Variants in RAB6A observed in about 807,000 individuals in gnomAD.
The protein encoded by RAB6A is RAB6A, member RAS oncogene family.
In RAB6A, 8 loss-of-function variants were observed where a neutral mutation model predicts 32.3. The observed-to-expected ratio is 0.25, with a 90% CI of 0.15 to 0.45. RAB6A has a LOEUF of 0.45. RAB6A is among the 20% of genes least tolerant of loss of function. The pLI is 1.00. For synonymous variants in RAB6A, 73 were observed against 82.1 expected (o/e 0.89, Z 0.60); for missense variants, 104 against 249.4 (o/e 0.42, Z 3.93).
chr11:73,730,491 T>C (rs1946286620), intron 2 of RAB6A: 1 of 301,896 alleles, frequency 3.3e-6, no homozygotes, highest in Non-Finnish European at 6.0e-6. Flanking sequence ...TTGGACAAAA[T>C]CTATAGAGAA....
chr11:73,741,462 C>A (rs1184840649), intron 1 of RAB6A, among the ~76,000 whole-genome samples: 1 of 151,848 alleles, frequency 6.6e-6, no homozygotes, highest in Non-Finnish European at 1.5e-5. Context: ...ACCATATGAT[C>A]CAGCGACCAT....
chr11:73,749,639 A>G (rs1365723916), intron 1 of RAB6A, among the ~76,000 whole-genome samples: 1 of 152,214 alleles, frequency 6.6e-6, no homozygotes, highest in Non-Finnish European at 1.5e-5. Context: ...AGGCCAGAGC[A>G]TTGCTCAAGG....
chr11:73,695,075 A>G (rs1354307353), intron 6 of RAB6A, among the ~76,000 whole-genome samples: 3 of 152,094 alleles, frequency 2.0e-5, no homozygotes, highest in Non-Finnish European at 4.4e-5. Flanking sequence ...TATAGTTTTA[A>G]TCTATATATT....
chr11:73,739,278 A>ATATATATATAT (rs1448381477), intron 1 of RAB6A, among the ~76,000 whole-genome samples: 1 of 18,834 alleles, frequency 5.3e-5, no homozygotes, highest in African/African-American at 1.1e-4. Flanking sequence ...AAAAAAAAAA[A>ATATATATATAT]AAAAAAATAT....
intron 1 of RAB6A, among the ~76,000 whole-genome samples, chr11:73,732,455 G>C (rs1268459526): frequency 6.6e-6 from 1 of 152,200 alleles, no homozygotes; most frequent in East Asian, 1.9e-4. Flanking sequence ...GCGTGGTGGC[G>C]GGCACCTGTA....
intron 1 of RAB6A, among the ~76,000 whole-genome samples, chr11:73,756,488 C>T (rs1305296861): frequency 3.3e-5 from 5 of 152,110 alleles, no homozygotes; most frequent in African/African-American, 1.2e-4. Flanking sequence ...CAGTAGTAGG[C>T]TGAGTATGCG....
chr11:73,735,381 C>T (rs1458376358), intron 1 of RAB6A, among the ~76,000 whole-genome samples: 4 of 152,042 alleles, frequency 2.6e-5, no homozygotes, highest in African/African-American at 7.3e-5. Context: ...ATACTAAATG[C>T]CAGGGACTGA....
chr11:73,682,410 T>C (rs1298772166), intron 6 of RAB6A, among the ~76,000 whole-genome samples: 2 of 152,198 alleles, frequency 1.3e-5, no homozygotes, highest in Non-Finnish European at 2.9e-5. Context: ...ACGCCTGTAA[T>C]CCCAGTACTT....
At chr11:73,689,721 T>C (rs1945515276) in intron 6 of RAB6A, among the ~76,000 whole-genome samples, 1 of 152,134 alleles carries the variant, frequency 6.6e-6, no homozygotes, top group African/African-American at 2.4e-5. Context: ...CCAATGTCTA[T>C]GTCATATGTA....
intron 5 of RAB6A, among the ~76,000 whole-genome samples, chr11:73,709,420 G>A (rs1945903703): frequency 6.9e-6 from 1 of 144,310 alleles, no homozygotes; most frequent in South Asian, 2.2e-4. Context: ...GGGGACCAAT[G>A]AGTTTTCTCC....
chr11:73,700,160 C>T (rs1945718196), intron 6 of RAB6A, among the ~76,000 whole-genome samples: 1 of 152,156 alleles, frequency 6.6e-6, no homozygotes, highest in Admixed American at 6.6e-5. Context: ...GGTGACACCA[C>T]ACACTTATTG....
At chr11:73,684,722 G>A (rs1171863242) in intron 6 of RAB6A, among the ~76,000 whole-genome samples, 5 of 152,078 alleles carry the variant, frequency 3.3e-5, no homozygotes, top group Non-Finnish European at 1.5e-5. Flanking sequence ...CAGTAGAGAT[G>A]AGGACAAAGG....
In RAB6A at chr11:73,742,749, G is replaced by T. The variant is rs184177469; in HGVS notation, c.71-11926C>A. On this transcript the variant is annotated intron_variant, in intron 1 of 7. Transcript: ENST00000336083. ...CGCTTGAACTCGGGAGATGGAGGTTGCAGTGAATCGAGATTGCCCCATTGA... is the reference window on the plus strand; with the variant it reads ...CGCTTGAACTCGGGAGATGGAGGTTTCAGTGAATCGAGATTGCCCCATTGA... 3.8e-3 allele frequency among the ~76,000 whole-genome samples: 581 copies of T among 152,202 alleles called. 4 individuals carry two copies. The highest frequency in any genetic ancestry group is 6.5e-3 in the Non-Finnish European group (439 of 68,010).
In RAB6A at chr11:73,676,548, AAACT is replaced by A. The variant is rs1196829408; in HGVS notation, c.*1346_*1349del. 6.0e-6 allele frequency: 1 copy of A among 167,064 alleles called. No homozygotes were observed. The highest frequency in any genetic ancestry group is 1.5e-5 in the Non-Finnish European group (1 of 68,120). 10.3% of individuals were successfully genotyped at this position (167,064 alleles called of 1,614,324 possible). A position where few individuals can be genotyped will look rare whatever the true frequency, so the allele number is the denominator to read the frequency against. On this transcript the variant is annotated 3_prime_UTR_variant, in exon 8 of 8. Transcript: ENST00000336083. ...AAAGATTAATTGTAGCTTAAATATA[AAACT>A]AAATCACCAGTTAATTAAACTATAC...
Position 73,758,959 on chromosome 11 carries a change from T to C in RAB6A, c.70+1607A>G, listed in dbSNP as rs573476970. On this transcript the variant is annotated intron_variant, in intron 1 of 7. Coordinates refer to ENST00000336083, the MANE Select transcript of RAB6A (RefSeq NM_198896.2). ...ATATATAAGCAAAAAGGAGGGAGATTGTATTTTTCCCCCCAAAAGGGAGGA... is the reference window on the plus strand; with the variant it reads ...ATATATAAGCAAAAAGGAGGGAGATCGTATTTTTCCCCCCAAAAGGGAGGA... Among the ~76,000 whole-genome samples the C allele has an allele frequency of 2.6e-5, 4 of 152,234 alleles. No homozygotes were observed. The South Asian group carries it at 8.3e-4, about 32-fold the overall frequency.
At chr11:73,760,219 A>T in intron 1 of RAB6A, 1 of 818,418 alleles carries the variant, frequency 1.2e-6, no homozygotes, top group Non-Finnish European at 1.8e-6. Context: ...GGTGGGGCTC[A>T]AGAAAGGGGG....
intron 3 of RAB6A, among the ~76,000 whole-genome samples, chr11:73,720,227 C>G (rs1211036524): frequency 6.8e-6 from 1 of 146,290 alleles, no homozygotes; most frequent in Non-Finnish European, 1.5e-5. Flanking sequence ...GTTGCCCAGG[C>G]TAGAGTGCAA....
At position 73,739,304 on chromosome 11, in the gene RAB6A, T is replaced by TATATATATATAA. The variant is rs375733945; in HGVS notation, c.71-8482_71-8481insTTATATATATAT. On this transcript the variant is annotated intron_variant, in intron 1 of 7. Coordinates refer to ENST00000336083, the MANE Select transcript of RAB6A (RefSeq NM_198896.2). ...AAAAAAATATATATATATATATATA[T>TATATATATATAA]AAATACTGGAACACCAAAGATAACT... 6.0e-3 allele frequency among the ~76,000 whole-genome samples: 190 copies of TATATATATATAA among 31,692 alleles called. 8 individuals are homozygous for TATATATATATAA. The highest frequency in any genetic ancestry group is 0.029 in the Middle Eastern group (2 of 68). The allele number at this position is 31,692 out of a possible 152,430, so 20.8% of individuals were successfully genotyped here. A position where few individuals can be genotyped will look rare whatever the true frequency, so the allele number is the denominator to read the frequency against.
At chr11:73,738,273 A>G (rs1451058728) in intron 1 of RAB6A, among the ~76,000 whole-genome samples, 1 of 152,030 alleles carries the variant, frequency 6.6e-6, no homozygotes, top group Non-Finnish European at 1.5e-5. Flanking sequence ...CTCCCAAAGT[A>G]CCAGGATTAT....
Sources: gnomAD v4.1 joint callset for allele counts (sites outside exome capture counted in the v4.1 genomes callset) on GRCh38, gnomAD v4.1.1 for gene constraint, MANE v1.5 for transcripts, NCBI Gene and HGNC (gene_info 2026-07-23, HGNC 2026-07-21) for gene names.